The following C12orf54 variants were observed in gnomAD, a reference collection of about 807,000 sequenced individuals.
C12orf54 encodes the protein uncharacterized protein C12orf54.
A neutral mutation model predicts 26.4 loss-of-function variants in C12orf54; 24 were observed. The observed-to-expected ratio is 0.91, with a 90% CI of 0.66 to 1.28. The LOEUF (loss-of-function observed/expected upper bound fraction) is 1.28, where lower values mean the gene tolerates loss of function less well. Among genes scored for constraint, C12orf54 ranks in the 50% most tolerant of loss-of-function variants. The pLI is 0.00. For synonymous variants in C12orf54, 54 were observed against 47.0 expected, an observed-to-expected ratio of 1.15 and a Z score of -0.61; for missense variants, 154 against 150.9, an observed-to-expected ratio of 1.02 and a Z score of -0.11.
At chr12:48,453,842 T>C in the C12orf54 span, among the ~76,000 whole-genome samples, 1 of 151,844 alleles carries the variant, frequency 6.6e-6, no homozygotes, top group East Asian at 2.0e-4. Context: ...TCCATATACA[T>C]GTAATCGTTC....
At chr12:48,442,264 G>A in the C12orf54 span, 1 of 194,726 alleles carries the variant, frequency 5.1e-6, no homozygotes. Flanking sequence ...TGCCTGTAGT[G>A]GAGCTGATCC....
chr12:48,495,069 A>C (rs1235664318), intron 8 of C12orf54, 90 bp downstream of exon 8: 12 of 933,220 alleles, frequency 1.3e-5, no homozygotes, highest in East Asian at 2.5e-5. Context: ...TCATCCCAAC[A>C]TGGCAGGGCA....
At chr12:48,453,601 A>ACATATATACATATATATG in the C12orf54 span, among the ~76,000 whole-genome samples, 1 of 138,562 alleles carries the variant, frequency 7.2e-6, no homozygotes, top group Non-Finnish European at 1.6e-5. Context: ...GTGTATATTC[A>ACATATATACATATATATG]TGTTCTGATA....
the C12orf54 span, among the ~76,000 whole-genome samples, chr12:48,433,690 G>T: frequency 6.6e-6 from 1 of 152,092 alleles, no homozygotes; most frequent in Admixed American, 6.6e-5. Context: ...CTTGTGATCT[G>T]CCCACCTTGG....
chr12:48,472,058 C>T, the C12orf54 span, among the ~76,000 whole-genome samples: 2 of 152,032 alleles, frequency 1.3e-5, no homozygotes, highest in African/African-American at 2.4e-5. Flanking sequence ...AATTTTTCAC[C>T]TCTCCTTGGT....
At chr12:48,449,850 T>A in the C12orf54 span, among the ~76,000 whole-genome samples, 1 of 152,074 alleles carries the variant, frequency 6.6e-6, no homozygotes, top group Non-Finnish European at 1.5e-5. Context: ...CAACTTGAAT[T>A]GTATCTCCTG....
chr12:48,486,256 C>G, intron 3 of C12orf54, 48 bp downstream of exon 3: 1 of 1,565,978 alleles, frequency 6.4e-7, no homozygotes, highest in Non-Finnish European at 8.8e-7. Flanking sequence ...CTTCTAATTC[C>G]TAGGGAGAGG....
chr12:48,451,079 C>T, the C12orf54 span, among the ~76,000 whole-genome samples: 55 of 152,188 alleles, frequency 3.6e-4, no homozygotes, highest in African/African-American at 1.1e-3. Flanking sequence ...AAGAAAAAAT[C>T]CTCAATAAAA....
At chr12:48,446,444 G>T in the C12orf54 span, among the ~76,000 whole-genome samples, 1 of 152,078 alleles carries the variant, frequency 6.6e-6, no homozygotes, top group African/African-American at 2.4e-5. Context: ...TGTTAATATA[G>T]TACTAAGAGC....
At chr12:48,426,357 C>T in the C12orf54 span, among the ~76,000 whole-genome samples, 1 of 152,008 alleles carries the variant, frequency 6.6e-6, no homozygotes, top group Non-Finnish European at 1.5e-5. Flanking sequence ...TTCTCCATTG[C>T]TTCTTTTGTC....
chr12:48,475,554 A>C, the C12orf54 span, among the ~76,000 whole-genome samples: 4 of 152,326 alleles, frequency 2.6e-5, no homozygotes, highest in African/African-American at 9.6e-5. Context: ...TCATTAAAGG[A>C]CCTGATGGAG....
the C12orf54 span, among the ~76,000 whole-genome samples, chr12:48,438,537 G>A: frequency 2.0e-5 from 3 of 152,160 alleles, no homozygotes; most frequent in African/African-American, 7.2e-5. Flanking sequence ...AAACAGCATG[G>A]TACTGGTATC....
the C12orf54 span, among the ~76,000 whole-genome samples, chr12:48,437,422 A>C: frequency 6.6e-6 from 1 of 152,168 alleles, no homozygotes; most frequent in South Asian, 2.1e-4. Flanking sequence ...TCATCCTCAT[A>C]CCAAAGCCGG....
At chr12:48,488,728 T>C (rs1311353850) in intron 4 of C12orf54, among the ~76,000 whole-genome samples, 196 bp from the exon 5 acceptor site, 2 of 152,166 alleles carry the variant, frequency 1.3e-5, no homozygotes, top group African/African-American at 4.8e-5. Flanking sequence ...ACAGAGAAAT[T>C]GCAGCCCAGA....
chr12:48,459,144 G>T, the C12orf54 span, among the ~76,000 whole-genome samples: 1 of 152,044 alleles, frequency 6.6e-6, no homozygotes, highest in Non-Finnish European at 1.5e-5. Flanking sequence ...CACTTTCCTA[G>T]CTCTCCCTCA....
rs534006279 is a variant in C12orf54 at position 48,494,333 on chromosome 12, CTT to C, written c.243-464_243-463del. Among the ~76,000 whole-genome samples, 983 of 152,110 alleles carry C rather than the reference CTT, an allele frequency of 6.5e-3. 8 individuals carry two copies. Among genetic ancestry groups the C allele is most frequent in the African/African-American group, 0.019 (800 of 41,482 alleles). On this transcript the variant is annotated intron_variant, in intron 7 of 8. Coordinates refer to ENST00000548364, the MANE Select transcript of C12orf54 (RefSeq NM_152319.4). Reference sequence around the variant, plus strand: ...TTGTCCCTATCTCAGAAAATTGACTCTTATAAAATAAAGCCATTTGTTTTAAA... The same window carrying C: ...TTGTCCCTATCTCAGAAAATTGACTCATAAAATAAAGCCATTTGTTTTAAA...
chr12:48,453,364 G>T, the C12orf54 span, among the ~76,000 whole-genome samples: 2 of 151,644 alleles, frequency 1.3e-5, no homozygotes, highest in East Asian at 2.0e-4. Flanking sequence ...AGAGGGAGAG[G>T]ATCAGGAAGA....
At chr12:48,465,943 T>G in the C12orf54 span, among the ~76,000 whole-genome samples, 1 of 152,076 alleles carries the variant, frequency 6.6e-6, no homozygotes, top group African/African-American at 2.4e-5. Flanking sequence ...TCAAAATGAA[T>G]AATAGAACTA....
the C12orf54 span, among the ~76,000 whole-genome samples, chr12:48,476,471 A>ACC: frequency 6.6e-6 from 1 of 152,288 alleles, no homozygotes; most frequent in South Asian, 2.1e-4. Context: ...AAGAGTCAAG[A>ACC]CCCATCAGTG....
Sources: allele counts gnomAD v4.1 joint callset (sites outside exome capture counted in the v4.1 genomes callset), GRCh38; gene constraint gnomAD v4.1.1; transcripts MANE v1.5; gene names NCBI Gene and HGNC (gene_info 2026-07-23, HGNC 2026-07-21).